The following SHISA6 variants were observed in gnomAD, a reference collection of about 807,000 sequenced individuals.
SHISA6 encodes the protein protein shisa-6.
Under a neutral mutation model 47.9 loss-of-function variants are expected in SHISA6, and 22 were observed. The ratio of observed to expected loss-of-function variants is 0.46; its 90% CI spans 0.33 to 0.66. The LOEUF is 0.66. SHISA6 is among the 30% of genes least tolerant of loss of function. The pLI is 0.02. For missense variants in SHISA6, 680 were observed against 764.6 expected, an observed-to-expected ratio of 0.89 and a Z score of 1.30; for synonymous variants, 388 against 337.8, an observed-to-expected ratio of 1.15 and a Z score of -1.63.
intron 3 of SHISA6, among the ~76,000 whole-genome samples, chr17:11,542,259 C>T (rs987096313): frequency 1.3e-4 from 19 of 149,112 alleles, no homozygotes; most frequent in Non-Finnish European, 2.2e-4. Context: ...AGCAGCAATA[C>T]AATAAATGGC....
At chr17:11,305,495 C>T (rs181360304) in intron 2 of SHISA6, among the ~76,000 whole-genome samples, 3 of 152,316 alleles carry the variant, frequency 2.0e-5, no homozygotes, top group East Asian at 3.9e-4. Flanking sequence ...TTGTCTGTGT[C>T]GCCTCACAGA....
At chr17:11,474,769 T>C (rs1055350211) in intron 3 of SHISA6, among the ~76,000 whole-genome samples, 4 of 152,270 alleles carry the variant, frequency 2.6e-5, no homozygotes, top group African/African-American at 9.6e-5. Flanking sequence ...TGAAGTTGGG[T>C]ACTGTCAGCC....
chr17:11,350,178 A>ATTTTTTTTT (rs199879665), intron 2 of SHISA6, among the ~76,000 whole-genome samples: 1 of 101,148 alleles, frequency 9.9e-6, no homozygotes, highest in African/African-American at 3.9e-5. Context: ...TTATTTATTT[A>ATTTTTTTTT]TTTATTTTTT....
At chr17:11,549,154 A>T (rs188250455) in intron 3 of SHISA6, among the ~76,000 whole-genome samples, 31 of 152,298 alleles carry the variant, frequency 2.0e-4, no homozygotes, top group Middle Eastern at 3.4e-3. Context: ...ATTCATTGCA[A>T]TGTTATTTAG....
chr17:11,278,702 C>G lies in SHISA6; in HGVS notation c.799+15176C>G, dbSNP rs143105382. Among the ~76,000 whole-genome samples, 19 of 152,364 alleles carry G rather than the reference C, an allele frequency of 1.2e-4. No homozygotes were observed. In the East Asian group the frequency reaches 3.5e-3, roughly 28 times the overall value. Reference sequence around the variant, plus strand: ...AGCTGGGCGAAGGCCACATTTATCCCTGCCCTGCTTCTTTATTCTGCTCTG... The same window carrying G: ...AGCTGGGCGAAGGCCACATTTATCCGTGCCCTGCTTCTTTATTCTGCTCTG... On this transcript the variant is annotated intron_variant, in intron 2 of 5. Transcript: ENST00000441885.
intron 2 of SHISA6, among the ~76,000 whole-genome samples, chr17:11,372,298 G>T (rs1208269500): frequency 6.6e-6 from 1 of 152,174 alleles, no homozygotes; most frequent in Non-Finnish European, 1.5e-5. Flanking sequence ...ATTTCTAGCA[G>T]CAGGAAAATA....
chr17:11,423,576 G>A (rs1293886474), intron 3 of SHISA6, among the ~76,000 whole-genome samples: 1 of 151,958 alleles, frequency 6.6e-6, no homozygotes, highest in East Asian at 1.9e-4. Flanking sequence ...TTCTCTGACA[G>A]TGATATTCCC....
intron 2 of SHISA6, among the ~76,000 whole-genome samples, chr17:11,376,750 T>TC (rs1912815247): frequency 6.6e-6 from 1 of 152,178 alleles, no homozygotes; most frequent in Admixed American, 6.5e-5. Context: ...GACTGACCTA[T>TC]CACTGGTCCA....
chr17:11,273,405 C>G (rs1277653056), intron 2 of SHISA6, among the ~76,000 whole-genome samples: 1 of 152,214 alleles, frequency 6.6e-6, no homozygotes, highest in Non-Finnish European at 1.5e-5. Flanking sequence ...CCACTGCTTG[C>G]TCAGCACAAG....
rs897373885 is a variant in SHISA6 at position 11,561,443 on chromosome 17, C to T, written c.*3139C>T. ...ACCTTCCCTGTCTTGCTCCAGGCTC[C>T]TGGCTCCATGCCTTCCTGTGTCAAA... On this transcript the variant is annotated 3_prime_UTR_variant, in exon 6 of 6. Coordinates refer to ENST00000441885, the MANE Select transcript of SHISA6 (RefSeq NM_207386.4). 1 of 152,504 alleles carries T rather than the reference C, an allele frequency of 6.6e-6. No homozygotes were observed. Among genetic ancestry groups the T allele is most frequent in the Non-Finnish European group, 1.5e-5 (1 of 68,296 alleles). The allele number at this position is 152,504 out of a possible 1,614,324, so 9.4% of individuals were successfully genotyped here.
intron 3 of SHISA6, among the ~76,000 whole-genome samples, chr17:11,503,747 A>T (rs1481199420): frequency 6.6e-6 from 1 of 152,210 alleles, no homozygotes; most frequent in African/African-American, 2.4e-5. Flanking sequence ...ATGTTTATCA[A>T]TTGACATCTG....
At chr17:11,556,626 C>T (rs2071982817) in intron 5 of SHISA6, among the ~76,000 whole-genome samples, 1 of 152,090 alleles carries the variant, frequency 6.6e-6, no homozygotes, top group South Asian at 2.1e-4. Context: ...GGTAACCTAC[C>T]CTGACAGAAG....
chr17:11,275,757 G>A (rs1908863504), intron 2 of SHISA6, among the ~76,000 whole-genome samples: 1 of 152,122 alleles, frequency 6.6e-6, no homozygotes, highest in South Asian at 2.1e-4. Flanking sequence ...TGCTTGGTAT[G>A]AAGAAGAGAC....
chr17:11,409,914 A>G (rs543985522), intron 3 of SHISA6, among the ~76,000 whole-genome samples: 1 of 152,244 alleles, frequency 6.6e-6, no homozygotes, highest in African/African-American at 2.4e-5. Flanking sequence ...TGATACATGC[A>G]TCTTTGGTCA....
At chr17:11,249,581 C>A (rs562025791) in intron 1 of SHISA6, among the ~76,000 whole-genome samples, 2 of 152,164 alleles carry the variant, frequency 1.3e-5, no homozygotes, top group African/African-American at 4.8e-5. Context: ...CCTGGTTGTA[C>A]ATACCTTAAT....
chr17:11,530,261 A>G (rs954993119), intron 3 of SHISA6, among the ~76,000 whole-genome samples: 1 of 152,032 alleles, frequency 6.6e-6, no homozygotes, highest in South Asian at 2.1e-4. Context: ...AGGATAGGTT[A>G]AAAAACCACA....
chr17:11,310,089 T>C (rs1026476639), intron 2 of SHISA6, among the ~76,000 whole-genome samples: 8 of 152,116 alleles, frequency 5.3e-5, no homozygotes, highest in Non-Finnish European at 1.0e-4. Flanking sequence ...TGGCTAGCCA[T>C]GTGTGTTAGG....
intron 2 of SHISA6, among the ~76,000 whole-genome samples, chr17:11,366,803 G>A (rs919718289): frequency 6.6e-6 from 1 of 152,200 alleles, no homozygotes; most frequent in African/African-American, 2.4e-5. Flanking sequence ...AGGAGAAATG[G>A]TGTATGTGGA....
At chr17:11,394,998 CTTT>C (rs772109588) in intron 3 of SHISA6, among the ~76,000 whole-genome samples, 1 of 95,100 alleles carries the variant, frequency 1.1e-5, no homozygotes, top group African/African-American at 4.1e-5. Flanking sequence ...TTTTTCTTTT[CTTT>C]TTTTTTTTTT....
Sources: allele counts gnomAD v4.1 joint callset (sites outside exome capture counted in the v4.1 genomes callset), GRCh38; gene constraint gnomAD v4.1.1; transcripts MANE v1.5; gene names NCBI Gene and HGNC (gene_info 2026-07-23, HGNC 2026-07-21).